The following DEPDC4 variants were observed in gnomAD, a reference collection of about 807,000 sequenced individuals.
DEPDC4 encodes the protein DEP domain containing 4, also known as DEP domain-containing protein 4.
Under a neutral mutation model 52.0 loss-of-function variants are expected in DEPDC4, and 52 were observed. The ratio of observed to expected loss-of-function variants is 1.00; its 90% CI spans 0.80 to 1.26. The LOEUF is 1.26. Ranked by LOEUF, DEPDC4 falls within the 50% of genes most tolerant of loss-of-function variation. The pLI, the probability that DEPDC4 is intolerant of heterozygous loss-of-function variation, is 0.00. For synonymous variants in DEPDC4, 201 were observed against 196.8 expected (o/e 1.02, Z -0.18); for missense variants, 530 against 546.9 (o/e 0.97, Z 0.31).
At chr12:100,258,428 T>G (rs1303729730) in intron 3 of DEPDC4, among the ~76,000 whole-genome samples, 1 of 151,738 alleles carries the variant, frequency 6.6e-6, no homozygotes, top group African/African-American at 2.4e-5. Flanking sequence ...ATGGGGAAAA[T>G]CACCAATGAA....
In DEPDC4 at chr12:100,241,793, T is replaced by C. The variant is rs942044663; in HGVS notation, c.*99A>G. On this transcript the variant is annotated 3_prime_UTR_variant, in exon 10 of 10. Transcript: ENST00000550587. ...ACTGGTGTAGATACTGAATTGTCCT[T>C]CCCTTCTGCTTTTCAAACTCCTTGT... is the stretch of plus-strand genomic sequence containing the variant. 19 of 1,258,878 alleles carry C rather than the reference T, an allele frequency of 1.5e-5. No homozygotes were observed. The highest frequency in any genetic ancestry group is 1.2e-4 in the Admixed American group (5 of 40,454). The allele number at this position is 1,258,878 out of a possible 1,614,324, so 78.0% of individuals were successfully genotyped here.
chr12:100,240,216 G>A lies in DEPDC4; in HGVS notation c.*1676C>T, dbSNP rs1205343098. On this transcript the variant is annotated 3_prime_UTR_variant, in exon 10 of 10. Coordinates refer to ENST00000550587, the MANE Select transcript of DEPDC4 (RefSeq NM_001364818.2). ...ATTGCCCAGGCTGCAGTACAGTGGT[G>A]CAATCATAGCTCACTGCAGCCTAAA... is the stretch of plus-strand genomic sequence containing the variant. Among the ~76,000 whole-genome samples the A allele has an allele frequency of 2.0e-5, 3 of 151,084 alleles. No individual in the cohort carries two copies. The East Asian group carries it at 6.0e-4, about 30-fold the overall frequency.
chr12:100,237,151 G>A (rs182919742), downstream of DEPDC4, among the ~76,000 whole-genome samples: 1 of 151,348 alleles, frequency 6.6e-6, no homozygotes, highest in African/African-American at 2.4e-5. Context: ...GCTTAGTCTT[G>A]CTTTGGCTAT....
chr12:100,264,895 A>AT (rs1485168124), intron 1 of DEPDC4, among the ~76,000 whole-genome samples: 1 of 152,178 alleles, frequency 6.6e-6, no homozygotes, highest in Non-Finnish European at 1.5e-5. Context: ...ATGAAAAAAA[A>AT]TTGCCTTATC....
chr12:100,262,180 A>G (rs764548844), intron 3 of DEPDC4, 84 bp downstream of exon 3: 30 of 1,381,148 alleles, frequency 2.2e-5, no homozygotes, highest in Non-Finnish European at 2.8e-5. Context: ...TTTTGCCGTG[A>G]CCTTGAAACT....
Position 100,263,688 on chromosome 12 carries a change from A to T in DEPDC4, c.363T>A (p.Val121=), listed in dbSNP as rs2153924616. ...SSNDISCLKG[V]HLCQVLMNHK... ...GATTCATTAGAACTTGGCAAAGATG[A>T]ACCCCTTTAAGACAAGAGATGTCAT... Residue 121 remains valine, a synonymous_variant, in exon 2 of 10, where the codon GTT becomes GTA. Transcript: ENST00000550587. The T allele has an allele frequency of 6.2e-7, 1 of 1,614,156 alleles. No homozygotes were observed. The highest frequency in any genetic ancestry group is 2.2e-5 in the East Asian group (1 of 44,864).
chr12:100,243,382 C>T lies in DEPDC4; in HGVS notation c.1454-813G>A, dbSNP rs575790570. 4.3e-4 allele frequency among the ~76,000 whole-genome samples: 65 copies of T among 152,262 alleles called. 1 individual carries two copies. Among genetic ancestry groups the T allele is most frequent in the Admixed American group, 5.2e-4 (8 of 15,288 alleles). On this transcript the variant is annotated intron_variant, in intron 8 of 9. Transcript: ENST00000550587. ...CTAACCATCTATTTCAAACTATTCC[C>T]TTCTTCTCATGTCATCCATTCAGTG...
intron 3 of DEPDC4, among the ~76,000 whole-genome samples, chr12:100,259,475 A>T (rs1039533508): frequency 5.3e-5 from 8 of 152,248 alleles, no homozygotes; most frequent in Non-Finnish European, 1.2e-4. Context: ...TAAGGAAAAC[A>T]AAACGTCGTA....
chr12:100,252,423 C>G lies in DEPDC4; in HGVS notation c.1219G>C (p.Glu407Gln), dbSNP rs775189118. Residue 407 changes from glutamate to glutamine, a missense_variant, in exon 6 of 10, where the codon GAG becomes CAG. Coordinates refer to ENST00000550587, the MANE Select transcript of DEPDC4 (RefSeq NM_001364818.2). ...TTTTGCAACTTGTAGGCATTGGGCT[C>G]TGATGCCATTGCCATAAAAGTAAGT... is the stretch of plus-strand genomic sequence containing the variant. ...RLLTFMAMAS[E>Q]PNAYKLQKQY... 1 of 1,591,868 alleles carries G rather than the reference C, an allele frequency of 6.3e-7. No homozygotes were observed. The highest frequency in any genetic ancestry group is 1.3e-5 in the African/African-American group (1 of 74,816).
At chr12:100,236,364 T>A (rs996552092), downstream of DEPDC4, among the ~76,000 whole-genome samples, 1 of 152,166 alleles carries the variant, frequency 6.6e-6, no homozygotes, top group Non-Finnish European at 1.5e-5. Context: ...ATTTTTTTTT[T>A]ATTTTTCTAT....
chr12:100,244,233 T>C (rs913348567), intron 8 of DEPDC4, among the ~76,000 whole-genome samples: 6 of 150,840 alleles, frequency 4.0e-5, no homozygotes, highest in Non-Finnish European at 5.9e-5. Flanking sequence ...CAGGCTGGAA[T>C]GCAGTGGCGC....
At position 100,245,170 on chromosome 12, in the gene DEPDC4, C is replaced by G. The variant is rs190796372; in HGVS notation, c.1454-2601G>C. Among the ~76,000 whole-genome samples the G allele has an allele frequency of 1.1e-4, 16 of 151,944 alleles. No homozygotes were observed. In the East Asian group the frequency reaches 3.1e-3, roughly 30 times the overall value. On this transcript the variant is annotated intron_variant, in intron 8 of 9. Transcript: ENST00000550587. Reference sequence around the variant, plus strand: ...CAGGTGTGAGCCACCACACCTGGCCCCATCCTTATTTTAAATCAAAAGCCC... The same window carrying G: ...CAGGTGTGAGCCACCACACCTGGCCGCATCCTTATTTTAAATCAAAAGCCC...
intron 5 of DEPDC4, among the ~76,000 whole-genome samples, 186 bp downstream of exon 5, chr12:100,253,303 A>G (rs567645260): frequency 0.012 from 1,766 of 152,302 alleles, 29 homozygotes; most frequent in African/African-American, 0.041. Context: ...GTTACATTTG[A>G]TAATATAATT....
At chr12:100,253,207 C>T (rs1266491158) in intron 5 of DEPDC4, among the ~76,000 whole-genome samples, 2 of 152,188 alleles carry the variant, frequency 1.3e-5, no homozygotes, top group African/African-American at 2.4e-5. Flanking sequence ...TGTGAGCCAT[C>T]GCTCCTGGCT....
chr12:100,241,898 A>C, intron 9 of DEPDC4, 53 bp from the exon 10 acceptor site: 1 of 1,135,114 alleles, frequency 8.8e-7, no homozygotes, highest in Non-Finnish European at 1.1e-6. Context: ...CTGGAAAAGC[A>C]AGTTAAAAAA....
chr12:100,232,107 C>G (rs1479671958), intron 9 of DEPDC4, among the ~76,000 whole-genome samples: 2 of 151,974 alleles, frequency 1.3e-5, no homozygotes, highest in Admixed American at 1.3e-4. Context: ...AATTAGAAGT[C>G]TTTGCCAGGT....
At chr12:100,258,004 G>C (rs1290631214) in intron 3 of DEPDC4, among the ~76,000 whole-genome samples, 1 of 151,672 alleles carries the variant, frequency 6.6e-6, no homozygotes, top group Non-Finnish European at 1.5e-5. Context: ...TAGATAGATA[G>C]ATAGATAGAT....
the DEPDC4 span, among the ~76,000 whole-genome samples, chr12:100,281,858 C>G: frequency 6.7e-6 from 1 of 149,000 alleles, no homozygotes; most frequent in Non-Finnish European, 1.5e-5. Flanking sequence ...AAAGAAAGTA[C>G]AAATTTATTG....
At chr12:100,278,972 G>A in the DEPDC4 span, among the ~76,000 whole-genome samples, 1 of 152,098 alleles carries the variant, frequency 6.6e-6, no homozygotes, top group Non-Finnish European at 1.5e-5. Flanking sequence ...TAATTTACTT[G>A]TTTTCTGTGG....
Sources: gnomAD v4.1 joint callset for allele counts (sites outside exome capture counted in the v4.1 genomes callset) on GRCh38, gnomAD v4.1.1 for gene constraint, MANE v1.5 for transcripts, NCBI Gene and HGNC (gene_info 2026-07-23, HGNC 2026-07-21) for gene names.